The following CHEK2 variants were observed in gnomAD, a reference collection of about 807,000 sequenced individuals.
CHEK2 encodes serine/threonine-protein kinase Chk2.
In CHEK2, 71 loss-of-function variants were observed where a neutral mutation model predicts 69.1. The ratio of observed to expected loss-of-function variants is 1.03; its 90% CI spans 0.85 to 1.25. The LOEUF is 1.25. Ranked by LOEUF, CHEK2 falls within the 50% of genes most tolerant of loss-of-function variation. The pLI is 0.00. For synonymous variants in CHEK2, 189 were observed against 226.9 expected, an observed-to-expected ratio of 0.83 and a Z score of 1.50; for missense variants, 664 against 649.6, an observed-to-expected ratio of 1.02 and a Z score of -0.24.
rs1175278074 is a variant in CHEK2 at position 28,725,106 on chromosome 22, A to G, written c.463T>C (p.Ser155Pro). 1.2e-6 allele frequency: 2 copies of G among 1,614,146 alleles called. No individual in the cohort carries two copies. Among genetic ancestry groups the G allele is most frequent in the Non-Finnish European group, 8.5e-7 (1 of 1,180,018 alleles). ...TGATCTTCTATGTATGCAATGTAAG[A>G]GTTTTTAGGACCCACTTCCTAAAAT... ...RIFREVGPKN[S>P]YIAYIEDHSG... The change falls in exon 4 of 15, where the codon TCT (serine) becomes CCT (proline). Residue 155 changes from serine to proline, a missense_variant. Transcript: ENST00000404276.
At chr22:28,711,464 CAAAATACAAAACTGT>C (rs1172240692) in intron 6 of CHEK2, among the ~76,000 whole-genome samples, 3 of 152,040 alleles carry the variant, frequency 2.0e-5, no homozygotes, top group East Asian at 3.9e-4. Flanking sequence ...TGTGGAAAAG[CAAAATACAAAACTGT>C]ATATACAAGA....
chr22:28,716,475 G>T (rs2053593092), intron 5 of CHEK2, among the ~76,000 whole-genome samples: 2 of 152,114 alleles, frequency 1.3e-5, no homozygotes, highest in Admixed American at 1.3e-4. Context: ...AGGATTACAG[G>T]TGTGAGCCAC....
At chr22:28,724,848 G>A (rs1171345801) in intron 4 of CHEK2, 129 bp downstream of exon 4, 11 of 984,550 alleles carry the variant, frequency 1.1e-5, no homozygotes, top group Admixed American at 5.7e-5. Context: ...TTACAGGTGT[G>A]AGCCACCACG....
chr22:28,710,077 A>G lies in CHEK2; in HGVS notation c.793-18T>C. 1 of 1,515,220 alleles carries G rather than the reference A, an allele frequency of 6.6e-7. No homozygotes were observed. The highest frequency in any genetic ancestry group is 9.1e-7 in the Non-Finnish European group (1 of 1,093,574). 93.9% of individuals were successfully genotyped at this position (1,515,220 alleles called of 1,614,324 possible). ...GCTGGGTCCTTTGATAAACAGAATA[A>G]CAGAGTTTATTAGTAATAATAATTG... On this transcript the variant is annotated intron_variant, in intron 6 of 14. Transcript: ENST00000404276.
At chr22:28,709,848 T>C (rs1388914565) in intron 7 of CHEK2, among the ~76,000 whole-genome samples, 158 bp downstream of exon 7, 2 of 152,156 alleles carry the variant, frequency 1.3e-5, no homozygotes, top group Non-Finnish European at 2.9e-5. Context: ...ACTCCTGACC[T>C]CAGGTGATTC....
chr22:28,707,304 C>A (rs147795933), intron 7 of CHEK2, among the ~76,000 whole-genome samples: 1 of 152,172 alleles, frequency 6.6e-6, no homozygotes, highest in Non-Finnish European at 1.5e-5. Flanking sequence ...TTTAGGAGTA[C>A]GTCTCATTAA....
chr22:28,690,376 C>A (rs1428375207), intron 13 of CHEK2, among the ~76,000 whole-genome samples: 1 of 152,126 alleles, frequency 6.6e-6, no homozygotes, highest in Non-Finnish European at 1.5e-5. Context: ...CGCCTGTAAT[C>A]CCAGCACTTT....
At chr22:28,710,556 A>G (rs1194150662) in intron 6 of CHEK2, among the ~76,000 whole-genome samples, 1 of 152,248 alleles carries the variant, frequency 6.6e-6, no homozygotes, top group African/African-American at 2.4e-5. Context: ...TTCTGCTAAT[A>G]GAGCAGATAC....
chr22:28,704,221 G>A (rs2053017645), intron 7 of CHEK2, among the ~76,000 whole-genome samples: 1 of 151,784 alleles, frequency 6.6e-6, no homozygotes, highest in Admixed American at 6.6e-5. Context: ...AACACTGAGG[G>A]TAAGGAAGAG....
intron 6 of CHEK2, among the ~76,000 whole-genome samples, chr22:28,711,605 T>A (rs909454281): frequency 6.6e-6 from 1 of 152,188 alleles, no homozygotes; most frequent in Non-Finnish European, 1.5e-5. Flanking sequence ...TTTCTCTAAT[T>A]TCCTGTCATT....
chr22:28,735,365 C>T (rs965658815), intron 1 of CHEK2, among the ~76,000 whole-genome samples: 4 of 151,672 alleles, frequency 2.6e-5, no homozygotes, highest in East Asian at 1.9e-4. Flanking sequence ...AAGATTGCAC[C>T]ACTGCACTCC....
At chr22:28,705,202 C>A (rs2053070759) in intron 7 of CHEK2, among the ~76,000 whole-genome samples, 2 of 151,828 alleles carry the variant, frequency 1.3e-5, no homozygotes, top group South Asian at 4.2e-4. Context: ...CCTCAGCCTC[C>A]CGAGTAGTTG....
chr22:28,707,830 C>CTTTTTTTTTTTTT (rs11453597), intron 7 of CHEK2, among the ~76,000 whole-genome samples: 12 of 102,464 alleles, frequency 1.2e-4, no homozygotes, highest in African/African-American at 1.8e-4. Flanking sequence ...TTGTGTTTAT[C>CTTTTTTTTTTTTT]TTTTTTTTTT....
intron 2 of CHEK2, among the ~76,000 whole-genome samples, chr22:28,729,737 C>T (rs745354619): frequency 4.3e-4 from 66 of 151,806 alleles, no homozygotes; most frequent in Non-Finnish European, 7.8e-4. Flanking sequence ...ACTCCTTCAA[C>T]CTAATAAAGA....
chr22:28,708,320 T>C (rs556525062), intron 7 of CHEK2, among the ~76,000 whole-genome samples: 1 of 151,128 alleles, frequency 6.6e-6, no homozygotes, highest in South Asian at 2.1e-4. Flanking sequence ...ATTGTGCCAC[T>C]ACACTGAAGC....
At position 28,725,118 on chromosome 22, in the gene CHEK2, C is replaced by A. The variant is rs587781377; in HGVS notation, c.451G>T (p.Gly151Cys). 1 of 1,613,862 alleles carries A rather than the reference C, an allele frequency of 6.2e-7. No individual in the cohort carries two copies. Among genetic ancestry groups the A allele is most frequent in the Middle Eastern group, 1.6e-4 (1 of 6,082 alleles). The change falls in exon 4 of 15, where the codon GGT becomes TGT. Residue 151 changes from glycine to cysteine, a missense_variant. Physicochemically the swap from Gly to Cys is radical, Grantham distance 159. Transcript: ENST00000404276. ...KKHFRIFREVGPKNSYIAYIE... is the reference protein window; with the variant it reads ...KKHFRIFREVCPKNSYIAYIE... ...TATGCAATGTAAGAGTTTTTAGGAC[C>A]CACTTCCTAAAATAGAGAACATTTT...
At chr22:28,711,863 T>C (rs2053403531) in intron 6 of CHEK2, 46 bp downstream of exon 6, 2 of 1,253,564 alleles carry the variant, frequency 1.6e-6, no homozygotes, top group East Asian at 2.3e-5. Flanking sequence ...TGGGAAGTTA[T>C]GAAGACGTGT....
At chr22:28,739,677 A>T (rs1409651009) in intron 1 of CHEK2, among the ~76,000 whole-genome samples, 1 of 151,814 alleles carries the variant, frequency 6.6e-6, no homozygotes, top group Non-Finnish European at 1.5e-5. Context: ...CGACAGAGTA[A>T]GACTCTGTCT....
chr22:28,732,048 TCTC>T (rs1351550742), intron 2 of CHEK2, among the ~76,000 whole-genome samples: 1 of 151,938 alleles, frequency 6.6e-6, no homozygotes, highest in Admixed American at 6.6e-5. Flanking sequence ...TTCCAGCAAT[TCTC>T]CTGTCTCAGC....
Sources: gnomAD v4.1 joint callset for allele counts (sites outside exome capture counted in the v4.1 genomes callset) on GRCh38, gnomAD v4.1.1 for gene constraint, MANE v1.5 for transcripts, NCBI Gene and HGNC (gene_info 2026-07-23, HGNC 2026-07-21) for gene names.